PCDHGB2: variants seen among roughly 807,000 people sequenced by gnomAD.
The protein encoded by PCDHGB2 is protocadherin gamma subfamily B, 2.
PCDHGB2 carries 55 observed loss-of-function variants against 59.3 expected under a neutral mutation model. The observed-to-expected ratio is 0.93, with a 90% confidence interval of 0.75 to 1.16. PCDHGB2 has a LOEUF of 1.16. Among genes scored for constraint, PCDHGB2 ranks in the 50% most tolerant of loss-of-function variants. The probability of loss-of-function intolerance (pLI) is 0.00; values close to 1 mark genes in which losing one functional copy is unlikely to be tolerated. For missense variants in PCDHGB2, 1,228 were observed against 1,198.5 expected (o/e 1.02, Z -0.36); for synonymous variants, 516 against 512.0 (o/e 1.01, Z -0.11).
intron 1 of PCDHGB2, among the ~76,000 whole-genome samples, chr5:141,451,395 A>G (rs2098715118): frequency 6.6e-6 from 1 of 152,184 alleles, no homozygotes; most frequent in Admixed American, 6.6e-5. Context: ...AGTTAATGGC[A>G]AAATTAAGTT....
chr5:141,494,903 G>A (rs760748707), intron 2 of PCDHGB2, 38 bp downstream of exon 2: 39 of 1,613,894 alleles, frequency 2.4e-5, no homozygotes, highest in Non-Finnish European at 3.1e-5. Context: ...TCTTCTCTGC[G>A]GCATTTTCTC....
intron 1 of PCDHGB2, chr5:141,395,406 G>C (rs923158895): frequency 1.2e-6 from 1 of 833,442 alleles, no homozygotes; most frequent in Non-Finnish European, 1.8e-6. Flanking sequence ...AATAGTCATA[G>C]GTTATTGTTT....
Position 141,476,278 on chromosome 5 carries a change from T to C in PCDHGB2, c.2422-18529T>C, listed in dbSNP as rs746655724. On this transcript the variant is annotated intron_variant, in intron 1 of 3. Transcript: ENST00000522605. The surrounding 1 kb of genome is among the most constrained non-coding windows in gnomAD (Gnocchi z 7.6). ...CTGTGGGCAACGTGGTCGCGAACCTTGGTTTGGATCTCGGTAGCCTCTCAG... is the reference window on the plus strand; with the variant it reads ...CTGTGGGCAACGTGGTCGCGAACCTCGGTTTGGATCTCGGTAGCCTCTCAG... The C allele has an allele frequency of 3.2e-5, 52 of 1,613,758 alleles. No homozygotes were observed. Among genetic ancestry groups the C allele is most frequent in the Non-Finnish European group, 4.2e-5 (49 of 1,179,958 alleles).
intron 1 of PCDHGB2, chr5:141,404,241 C>A (rs960579159): frequency 6.2e-7 from 1 of 1,613,458 alleles, no homozygotes; most frequent in African/African-American, 1.3e-5. Context: ...AGAGGAACTC[C>A]GCCCCTGTCC....
At position 141,476,813 on chromosome 5, in the gene PCDHGB2, A is replaced by G. The variant is rs749333814; in HGVS notation, c.2422-17994A>G. The G allele has an allele frequency of 6.8e-6, 11 of 1,613,548 alleles. No individual in the cohort carries two copies. Among genetic ancestry groups the G allele is most frequent in the Non-Finnish European group, 9.3e-6 (11 of 1,180,022 alleles). On this transcript the variant is annotated intron_variant, in intron 1 of 3. Transcript: ENST00000522605. The surrounding 1 kb of genome is among the most constrained non-coding windows in gnomAD (Gnocchi z 7.6). ...CTCCGCCAGCCTGCCTATTCACATC[A>G]AGGTGCTGGACGCGAATGACAATGC...
chr5:141,360,702 T>C lies in PCDHGB2; in HGVS notation c.567T>C (p.Arg189=). Reference sequence around the variant, plus strand: ...CTGAGAAACAGACTCCAGATGGTCGTAAATATCCTGAGTTGATTCTAAAAC... The same window carrying C: ...CTGAGAAACAGACTCCAGATGGTCGCAAATATCCTGAGTTGATTCTAAAAC... ...DLAEKQTPDG[R]KYPELILKHS... The change falls in exon 1 of 4, where the codon CGT becomes CGC. Residue 189 remains arginine, a synonymous_variant. Coordinates refer to ENST00000522605, the MANE Select transcript of PCDHGB2 (RefSeq NM_018923.3). The C allele has an allele frequency of 6.2e-7, 1 of 1,613,942 alleles. No individual in the cohort carries two copies. Among genetic ancestry groups the C allele is most frequent in the Non-Finnish European group, 8.5e-7 (1 of 1,179,888 alleles).
At chr5:141,429,468 A>G (rs2097217267) in intron 1 of PCDHGB2, among the ~76,000 whole-genome samples, 1 of 152,048 alleles carries the variant, frequency 6.6e-6, no homozygotes, top group Admixed American at 6.6e-5. Flanking sequence ...TCCCACCTCA[A>G]TCTCCAGAGT....
In PCDHGB2 at chr5:141,511,477, C is replaced by A; in HGVS notation, c.*304C>A. 2.1e-6 allele frequency: 1 copy of A among 482,262 alleles called. No homozygotes were observed. The allele number at this position is 482,262 out of a possible 1,614,324, so 29.9% of individuals were successfully genotyped here. A position where few individuals can be genotyped will look rare whatever the true frequency, so the allele number is the denominator to read the frequency against. On this transcript the variant is annotated 3_prime_UTR_variant, in exon 4 of 4. Coordinates refer to ENST00000522605, the MANE Select transcript of PCDHGB2 (RefSeq NM_018923.3). ...TTTGCCACACCCCGTTTAGTTACAG[C>A]TGAACTCCTCCATCTTCCAAATCAA...
In PCDHGB2 at chr5:141,431,221, A is replaced by T; in HGVS notation, c.2422-63586A>T. 6.2e-7 allele frequency: 1 copy of T among 1,614,124 alleles called. No homozygotes were observed. The highest frequency in any genetic ancestry group is 8.5e-7 in the Non-Finnish European group (1 of 1,180,026). On this transcript the variant is annotated intron_variant, in intron 1 of 3. Transcript: ENST00000522605. The surrounding 1 kb of genome is among the most constrained non-coding windows in gnomAD (Gnocchi z 4.8). Reference sequence around the variant, plus strand: ...CAGCCACTGAGATGCGGTTCCCTCTACCCCACGCCTGGGATCCGGATATCG... The same window carrying T: ...CAGCCACTGAGATGCGGTTCCCTCTTCCCCACGCCTGGGATCCGGATATCG...
intron 2 of PCDHGB2, among the ~76,000 whole-genome samples, chr5:141,500,674 G>T (rs554174451): frequency 4.2e-4 from 64 of 152,122 alleles, no homozygotes; most frequent in Non-Finnish European, 6.6e-4. Flanking sequence ...CTGTCCAACA[G>T]AATTATAGCT....
rs1346761280 is a variant in PCDHGB2, at chr5:141,360,648, C to T, written c.513C>T (p.His171=). ...GTCCTAACTCACTACAAAGATACCA[C>T]CTTAATGACAACGAGTACTTTGATC... ...DVGPNSLQRY[H]LNDNEYFDLA... is the part of the protein sequence containing the mutation. The change falls in exon 1 of 4, where the codon CAC becomes CAT. Residue 171 remains histidine, a synonymous_variant. Transcript: ENST00000522605. The T allele has an allele frequency of 1.9e-5, 31 of 1,613,888 alleles. No individual in the cohort carries two copies. The highest frequency in any genetic ancestry group is 5.3e-5 in the African/African-American group (4 of 74,916).
chr5:141,452,587 A>G (rs1171400700), intron 1 of PCDHGB2, among the ~76,000 whole-genome samples: 1 of 151,948 alleles, frequency 6.6e-6, no homozygotes, highest in Non-Finnish European at 1.5e-5. Context: ...CCATCTTTGT[A>G]TTTTTATTTT....
rs1455759096 is a variant in PCDHGB2, at chr5:141,489,539, C to T, written c.2422-5268C>T. 6.2e-7 allele frequency: 1 copy of T among 1,613,980 alleles called. No individual in the cohort carries two copies. Among genetic ancestry groups the T allele is most frequent in the African/African-American group, 1.3e-5 (1 of 74,912 alleles). On this transcript the variant is annotated intron_variant, in intron 1 of 3. Coordinates refer to ENST00000522605, the MANE Select transcript of PCDHGB2 (RefSeq NM_018923.3). This position sits in a 1 kb window ranked among gnomAD's most constrained non-coding sequence, Gnocchi z 4.5. Reference sequence around the variant, plus strand: ...CGAGAAAGCCTATGTGGAGCCAGCACCAGCTGCCTGCTGCCAGTGCAGGTG... The same window carrying T: ...CGAGAAAGCCTATGTGGAGCCAGCATCAGCTGCCTGCTGCCAGTGCAGGTG...
chr5:141,419,549 T>C, intron 1 of PCDHGB2: 1 of 1,612,006 alleles, frequency 6.2e-7, no homozygotes, highest in Non-Finnish European at 8.5e-7. Context: ...GCGGGTGCTG[T>C]ACCCTGCGCT....
Position 141,362,465 on chromosome 5 carries a change from C to G in PCDHGB2, c.2330C>G (p.Ala777Gly). 1.2e-6 allele frequency: 2 copies of G among 1,614,054 alleles called. No homozygotes were observed. The highest frequency in any genetic ancestry group is 1.7e-6 in the Non-Finnish European group (2 of 1,179,900). Residue 777 changes from alanine (A) to glycine (G), a missense_variant, in exon 1 of 4, where the codon GCG becomes GGG. By Grantham distance (60) the Ala-to-Gly change is moderately conservative. This residue lies in a region of PCDHGB2 where 433 missense variants were observed against 441.8 expected (regional missense o/e 0.98). Coordinates refer to ENST00000522605, the MANE Select transcript of PCDHGB2 (RefSeq NM_018923.3). ...FLNITPELVP[A>G]QDLVCDNASW... ...AACATAACCCCGGAATTGGTTCCCG[C>G]GCAAGATCTCGTCTGTGACAATGCC...
chr5:141,432,859 C>A lies in PCDHGB2; in HGVS notation c.2422-61948C>A. The A allele has an allele frequency of 1.2e-6, 2 of 1,614,190 alleles. No homozygotes were observed. Among genetic ancestry groups the A allele is most frequent in the Non-Finnish European group, 1.7e-6 (2 of 1,180,020 alleles). The stretch of plus-strand genomic sequence containing the variant: ...ACCTGGTGGTAGCGGTGGCCGCGGT[C>A]TCCTGCGTCTTCCTGGCCTTCGTCA... On this transcript the variant is annotated intron_variant, in intron 1 of 3. Transcript: ENST00000522605. This position sits in a 1 kb window ranked among gnomAD's most constrained non-coding sequence, Gnocchi z 6.0.
At chr5:141,371,965 A>T (rs746190919) in intron 1 of PCDHGB2, 1 of 1,613,282 alleles carries the variant, frequency 6.2e-7, no homozygotes, top group South Asian at 1.1e-5. Context: ...GACCACGAGC[A>T]GCTGCGTGCC....
intron 1 of PCDHGB2, among the ~76,000 whole-genome samples, chr5:141,382,312 C>A (rs1778099412): frequency 6.6e-6 from 1 of 152,130 alleles, no homozygotes; most frequent in Admixed American, 6.5e-5. Flanking sequence ...TTTATATACA[C>A]TGATGTAAAT....
chr5:141,375,217 G>A (rs758328831), intron 1 of PCDHGB2: 2 of 1,613,968 alleles, frequency 1.2e-6, no homozygotes, highest in South Asian at 2.2e-5. Context: ...ACTCTGGCCT[G>A]AATGGCCTGG....
Sources: gnomAD v4.1 joint callset for allele counts (sites outside exome capture counted in the v4.1 genomes callset) on GRCh38, gnomAD v4.1.1 for gene constraint, gnomAD v4.1.1 regional missense constraint, Gnocchi (gnomAD v3.1) non-coding constraint, MANE v1.5 for transcripts, NCBI Gene and HGNC (gene_info 2026-07-23, HGNC 2026-07-21) for gene names.